CCT7: variants seen among roughly 807,000 people sequenced by gnomAD.
The protein encoded by CCT7 is T-complex protein 1 subunit eta.
In CCT7, 16 loss-of-function variants were observed where a neutral mutation model predicts 56.6. The observed-to-expected ratio is 0.28, with a 90% CI of 0.19 to 0.43. The LOEUF (loss-of-function observed/expected upper bound fraction) is 0.43, where lower values mean the gene tolerates loss of function less well. CCT7 is among the 20% of genes least tolerant of loss of function. The pLI is 1.00. For missense variants in CCT7, 519 were observed against 685.6 expected (o/e 0.76, Z 2.71); for synonymous variants, 262 against 254.8 (o/e 1.03, Z -0.27).
At chr2:73,250,228 G>A (rs546761444) in intron 9 of CCT7, 78 bp from the exon 10 acceptor site, 2 of 1,543,108 alleles carry the variant, frequency 1.3e-6, no homozygotes, top group Admixed American at 1.7e-5. Flanking sequence ...GAGTGTTGGG[G>A]GGGCTGGCAG....
Position 73,250,512 on chromosome 2 carries a change from G to A in CCT7, c.1203+74G>A. On this transcript the variant is annotated intron_variant, in intron 10 of 11. Coordinates refer to ENST00000258091, the MANE Select transcript of CCT7 (RefSeq NM_006429.4). Reference sequence around the variant, plus strand: ...CCCTAGCTGATCAGACCTTGGATTTGTGTGGTGATTCCTTCTCTATATAAC... The same window carrying A: ...CCCTAGCTGATCAGACCTTGGATTTATGTGGTGATTCCTTCTCTATATAAC... 5 of 1,552,284 alleles carry A rather than the reference G, an allele frequency of 3.2e-6. No homozygotes were observed. In the East Asian group the frequency reaches 6.8e-5, roughly 21 times the overall value.
intron 3 of CCT7, 40 bp downstream of exon 3, chr2:73,240,583 C>G (rs1277241246): frequency 1.5e-6 from 2 of 1,323,428 alleles, no homozygotes; most frequent in East Asian, 2.4e-5. Flanking sequence ...GGTTGAAACA[C>G]ATGCTTGCTT....
chr2:73,244,414 G>T, intron 5 of CCT7, 130 bp from the exon 6 acceptor site: 1 of 749,748 alleles, frequency 1.3e-6, no homozygotes. Flanking sequence ...CTGCCCTAAA[G>T]ATACAAAAGG....
At chr2:73,236,916 A>G (rs571952462) in intron 1 of CCT7, among the ~76,000 whole-genome samples, 1 of 152,136 alleles carries the variant, frequency 6.6e-6, no homozygotes, top group South Asian at 2.1e-4. Context: ...GTGCTTAAGA[A>G]CTCTCAGTAA....
chr2:73,245,660 C>T (rs372175664), intron 6 of CCT7, among the ~76,000 whole-genome samples: 113 of 152,286 alleles, frequency 7.4e-4, no homozygotes, highest in African/African-American at 2.5e-3. Context: ...TATTACTCTT[C>T]GTCAGTGACC....
At chr2:73,234,528 G>A (rs1686773535) in intron 1 of CCT7, 144 bp downstream of exon 1, 11 of 985,988 alleles carry the variant, frequency 1.1e-5, no homozygotes, top group Non-Finnish European at 1.7e-5. Flanking sequence ...GGCGACCCCA[G>A]CCAGCCGCGG....
chr2:73,244,090 C>T (rs766537164), intron 5 of CCT7, 41 bp downstream of exon 5: 23 of 1,539,238 alleles, frequency 1.5e-5, no homozygotes, highest in Admixed American at 1.8e-5. Context: ...TTTAAAGAGA[C>T]GGAGCCTTGC....
In CCT7 at chr2:73,244,694, G is replaced by C. The variant is rs1687261549; in HGVS notation, c.597G>C (p.Lys199Asn). ...AGCTTAAAATGATTGGAATCAAGAA[G>C]GTACAGGGTGGAGCCCTCGAGGTAA... ...LLQLKMIGIKKVQGGALEDSQ... is the reference protein window; with the variant it reads ...LLQLKMIGIKNVQGGALEDSQ... Residue 199 changes from lysine (K) to asparagine (N), a missense_variant, in exon 6 of 12, where the codon AAG becomes AAC. Coordinates refer to ENST00000258091, the MANE Select transcript of CCT7 (RefSeq NM_006429.4). The C allele has an allele frequency of 6.2e-7, 1 of 1,612,798 alleles. No homozygotes were observed. Among genetic ancestry groups the C allele is most frequent in the Admixed American group, 1.7e-5 (1 of 59,932 alleles).
Position 73,250,399 on chromosome 2 carries a change from C to G in CCT7, c.1164C>G (p.Ser388=). 2 of 1,613,954 alleles carry G rather than the reference C, an allele frequency of 1.2e-6. No homozygotes were observed. Among genetic ancestry groups the G allele is most frequent in the Non-Finnish European group, 8.5e-7 (1 of 1,179,964 alleles). ...AGTTTATGGAGGAGACAGAGCGGTCCCTGCATGATGCCATCATGATCGTCA... is the reference window on the plus strand; with the variant it reads ...AGTTTATGGAGGAGACAGAGCGGTCGCTGCATGATGCCATCATGATCGTCA... The part of the protein sequence containing the change: ...AEQFMEETER[S]LHDAIMIVRR... The change falls in exon 10 of 12, where the codon TCC becomes TCG. Residue 388 remains serine (S), a synonymous_variant. Coordinates refer to ENST00000258091, the MANE Select transcript of CCT7 (RefSeq NM_006429.4).
rs1331364161 is a variant in CCT7 at position 73,248,961 on chromosome 2, G to A, written c.784-30G>A. 8 of 1,590,226 alleles carry A rather than the reference G, an allele frequency of 5.0e-6. No homozygotes were observed. The South Asian group carries it at 9.0e-5, about 18-fold the overall frequency. ...CGTATATGTCAACCTTCACCCCAAA[G>A]CATTCTCATCCTTTTCTGGGTCTCT... is the stretch of plus-strand genomic sequence containing the variant. On this transcript the variant is annotated intron_variant, in intron 7 of 11. Coordinates refer to ENST00000258091, the MANE Select transcript of CCT7 (RefSeq NM_006429.4).
intron 9 of CCT7, 45 bp from the exon 10 acceptor site, chr2:73,250,261 T>G: frequency 6.2e-7 from 1 of 1,610,334 alleles, no homozygotes. Flanking sequence ...AGTAGGATGG[T>G]GGCAGACAAG....
intron 6 of CCT7, among the ~76,000 whole-genome samples, chr2:73,245,727 T>C (rs1456137907): frequency 6.6e-6 from 1 of 152,184 alleles, no homozygotes; most frequent in Middle Eastern, 3.2e-3. Flanking sequence ...CTGGCCCTTC[T>C]CTTTAAATTT....
intron 6 of CCT7, among the ~76,000 whole-genome samples, chr2:73,245,296 G>T (rs12104774): frequency 0.12 from 17,692 of 152,120 alleles, 1,444 homozygotes; most frequent in African/African-American, 0.23. Context: ...GTGTTCTGTA[G>T]CTTGCTTTTG....
chr2:73,235,569 C>T, intron 1 of CCT7: 1 of 1,001,974 alleles, frequency 1.0e-6, no homozygotes, highest in Non-Finnish European at 1.2e-6. Flanking sequence ...TTCTTGAAGT[C>T]GTCTTCATCT....
intron 6 of CCT7, among the ~76,000 whole-genome samples, chr2:73,246,287 G>A (rs1201012606): frequency 6.6e-6 from 1 of 152,154 alleles, no homozygotes; most frequent in Non-Finnish European, 1.5e-5. Context: ...CTCCACTCCT[G>A]TGATAGCATT....
Position 73,240,072 on chromosome 2 carries a change from A to C in CCT7, c.160+276A>C, listed in dbSNP as rs77984865. ...TCTGGAGTTTCCTGTGTTCACTTCC[A>C]TTGTTATCAAGATGAGAAAATTCCT... On this transcript the variant is annotated intron_variant, in intron 2 of 11. Transcript: ENST00000258091. 9.0e-4 allele frequency: 342 copies of C among 381,530 alleles called. 2 individuals are homozygous for C. Among genetic ancestry groups the C allele is most frequent in the African/African-American group, 6.6e-3 (320 of 48,502 alleles). The allele number at this position is 381,530 out of a possible 1,614,324, so 23.6% of individuals were successfully genotyped here.
chr2:73,241,738 G>GTTTTTTT (rs71846554), intron 3 of CCT7, among the ~76,000 whole-genome samples: 1 of 144,906 alleles, frequency 6.9e-6, no homozygotes. Context: ...ATTCCCAGTA[G>GTTTTTTT]TTTTTTTTTT....
chr2:73,237,175 C>A (rs1055439255), intron 1 of CCT7, among the ~76,000 whole-genome samples: 1 of 152,122 alleles, frequency 6.6e-6, no homozygotes, highest in African/African-American at 2.4e-5. Context: ...TATGGGATTC[C>A]CCTATTCAGA....
chr2:73,235,302 A>G lies in CCT7; in HGVS notation c.6+918A>G, dbSNP rs114367169. Among the ~76,000 whole-genome samples, 1,431 of 152,234 alleles carry G rather than the reference A, an allele frequency of 9.4e-3. 16 individuals carry two copies. The highest frequency in any genetic ancestry group is 0.031 in the African/African-American group (1,279 of 41,550). On this transcript the variant is annotated intron_variant, in intron 1 of 11. Transcript: ENST00000258091. ...TCCTGGGTTGTTATTGAGTAGGGCC[A>G]GCTTCCGAGGTGGTGTTTGACCCTG...
Sources: allele counts gnomAD v4.1 joint callset (sites outside exome capture counted in the v4.1 genomes callset), GRCh38; gene constraint gnomAD v4.1.1; transcripts MANE v1.5; gene names NCBI Gene and HGNC (gene_info 2026-07-23, HGNC 2026-07-21).